Variants in LMOD1 observed in about 807,000 individuals in gnomAD.
LMOD1 encodes leiomodin 1.
Under a neutral mutation model 36.5 loss-of-function variants are expected in LMOD1, and 8 were observed. The observed-to-expected ratio is 0.22, with a 90% CI of 0.13 to 0.40. LMOD1 has a LOEUF of 0.40. LMOD1 is among the 10% of genes least tolerant of loss of function. The pLI is 1.00. For missense variants in LMOD1, 630 were observed against 751.1 expected, an observed-to-expected ratio of 0.84 and a Z score of 1.88; for synonymous variants, 284 against 288.7, an observed-to-expected ratio of 0.98 and a Z score of 0.17.
At chr1:201,913,126 G>A (rs1363662860) in intron 1 of LMOD1, among the ~76,000 whole-genome samples, 2 of 152,150 alleles carry the variant, frequency 1.3e-5, no homozygotes, top group Non-Finnish European at 1.5e-5. Context: ...GGGACCAGGC[G>A]GGGGACTGAC....
Position 201,946,223 on chromosome 1 carries a change from C to T in LMOD1, c.118G>A (p.Asp40Asn), listed in dbSNP as rs770261453. The change falls in exon 1 of 3, where the codon GAC (aspartate) becomes AAC (asparagine). Residue 40 changes from aspartate (D) to asparagine (N), a missense_variant. This residue lies in a region of LMOD1 where 405 missense variants were observed against 400.6 expected (regional missense o/e 1.01). Transcript: ENST00000367288. ...CCCACGGGAACACTCCCGTCTGGGT[C>T]CACCACGTCCAGCTCCTTCTCCAGC... ...EELEKELDVV[D>N]PDGSVPVGLR... 6.2e-7 allele frequency: 1 copy of T among 1,614,040 alleles called. No homozygotes were observed. Among genetic ancestry groups the T allele is most frequent in the South Asian group, 1.1e-5 (1 of 91,088 alleles).
chr1:201,914,828 C>T (rs996832029), intron 1 of LMOD1, among the ~76,000 whole-genome samples: 5 of 151,880 alleles, frequency 3.3e-5, no homozygotes, highest in Non-Finnish European at 7.4e-5. Flanking sequence ...TAGCCTCTCC[C>T]TCTTTCCTGG....
rs562683605 is a variant in LMOD1 at position 201,917,491 on chromosome 1, G to T, written c.262-16740C>A. Among the ~76,000 whole-genome samples, 259 of 152,166 alleles carry T rather than the reference G, an allele frequency of 1.7e-3. 2 individuals carry two copies. The highest frequency in any genetic ancestry group is 5.8e-3 in the African/African-American group (241 of 41,408). On this transcript the variant is annotated intron_variant, in intron 1 of 2. Transcript: ENST00000367288. ...AGAACCCATCACTAGGGGGATGAAGGTTCTTGTGGCAGATCTTCTCGGCCA... is the reference window on the plus strand; with the variant it reads ...AGAACCCATCACTAGGGGGATGAAGTTTCTTGTGGCAGATCTTCTCGGCCA...
In LMOD1 at chr1:201,899,664, A is replaced by T; in HGVS notation, c.1349T>A (p.Leu450Gln). 6.2e-7 allele frequency: 1 copy of T among 1,613,898 alleles called. No homozygotes were observed. The highest frequency in any genetic ancestry group is 8.5e-7 in the Non-Finnish European group (1 of 1,179,842). Residue 450 changes from leucine to glutamine, a missense_variant, in exon 2 of 3, where the codon CTG becomes CAG. By Grantham distance (113) the Leu-to-Gln change is moderately radical (BLOSUM62 -2). This residue lies in a region of LMOD1 where 81 missense variants were observed against 180.6 expected (regional missense o/e 0.45). Coordinates refer to ENST00000367288, the MANE Select transcript of LMOD1 (RefSeq NM_012134.3). The surrounding 1 kb of genome is among the most constrained non-coding windows in gnomAD (Gnocchi z 6.3). ...CCCGGCCAGCTCAAAATGGTAGCCC[A>T]GCTTGAGCAGGGTAGTATTCTCCTT... Reference protein sequence around the residue: ...LLKENTTLLKLGYHFELAGPR... With the variant: ...LLKENTTLLKQGYHFELAGPR...
intron 1 of LMOD1, 118 bp from the exon 2 acceptor site, chr1:201,900,869 T>G (rs1462539578): frequency 2.3e-6 from 2 of 883,014 alleles, no homozygotes; most frequent in Admixed American, 5.8e-5. Flanking sequence ...GAAGGACAGT[T>G]GTGCTGTTTG....
intron 1 of LMOD1, among the ~76,000 whole-genome samples, chr1:201,935,336 G>A (rs1325221736): frequency 5.0e-5 from 5 of 99,298 alleles, no homozygotes; most frequent in Admixed American, 3.1e-4. Flanking sequence ...TTTTTTTTTT[G>A]AGACAAGATC....
At chr1:201,924,186 C>A (rs1361704287) in intron 1 of LMOD1, among the ~76,000 whole-genome samples, 5 of 150,032 alleles carry the variant, frequency 3.3e-5, no homozygotes, top group Non-Finnish European at 5.9e-5. Context: ...TAGCCGGGAG[C>A]GGTGGCGGGC....
At chr1:201,945,341 C>T (rs1682185600) in intron 1 of LMOD1, among the ~76,000 whole-genome samples, 1 of 152,192 alleles carries the variant, frequency 6.6e-6, no homozygotes, top group Non-Finnish European at 1.5e-5. Context: ...CTTCAACCCC[C>T]AGCAAAGCGG....
chr1:201,940,036 C>T (rs555768165), intron 1 of LMOD1, among the ~76,000 whole-genome samples: 1 of 152,116 alleles, frequency 6.6e-6, no homozygotes, highest in South Asian at 2.1e-4. Context: ...ATGCTGGGAG[C>T]AACCTCCCCT....
Position 201,899,642 on chromosome 1 carries a change from G to T in LMOD1, c.1371C>A (p.Ala457=). Residue 457 remains alanine, a synonymous_variant, in exon 2 of 3, where the codon GCC becomes GCA. Coordinates refer to ENST00000367288, the MANE Select transcript of LMOD1 (RefSeq NM_012134.3). This position sits in a 1 kb window ranked among gnomAD's most constrained non-coding sequence, Gnocchi z 6.3. ...GATTGGTGACAGTCATTCGGGGCCC[G>T]GCCAGCTCAAAATGGTAGCCCAGCT... ...LLKLGYHFEL[A]GPRMTVTNLL... 6.2e-7 allele frequency: 1 copy of T among 1,613,260 alleles called. No individual in the cohort carries two copies. The highest frequency in any genetic ancestry group is 1.3e-5 in the African/African-American group (1 of 75,028).
intron 1 of LMOD1, among the ~76,000 whole-genome samples, chr1:201,929,370 C>A (rs1410997446): frequency 1.3e-5 from 2 of 152,076 alleles, no homozygotes; most frequent in East Asian, 1.9e-4. Context: ...GCATGAGCCA[C>A]CACGCCTGGC....
intron 1 of LMOD1, among the ~76,000 whole-genome samples, chr1:201,909,308 AG>A (rs1681455598): frequency 6.6e-6 from 1 of 152,232 alleles, no homozygotes; most frequent in African/African-American, 2.4e-5. Flanking sequence ...ATGGGGTCTC[AG>A]GTGTGAGAAT....
At chr1:201,930,291 G>T (rs1571588954) in intron 1 of LMOD1, among the ~76,000 whole-genome samples, 3 of 152,262 alleles carry the variant, frequency 2.0e-5, no homozygotes, top group Admixed American at 2.0e-4. Context: ...GAGAAGAGAG[G>T]TTGGGAGATC....
At position 201,899,512 on chromosome 1, in the gene LMOD1, C is replaced by A. The variant is rs1425016518; in HGVS notation, c.1501G>T (p.Ala501Ser). The A allele has an allele frequency of 6.2e-7, 1 of 1,613,840 alleles. No homozygotes were observed. The highest frequency in any genetic ancestry group is 8.5e-7 in the Non-Finnish European group (1 of 1,179,884). The change falls in exon 2 of 3, where the codon GCC becomes TCC. Residue 501 changes from alanine (A) to serine (S), a missense_variant. By Grantham distance (99) the Ala-to-Ser change is moderately conservative. Transcript: ENST00000367288. This position sits in a 1 kb window ranked among gnomAD's most constrained non-coding sequence, Gnocchi z 6.3. ...GGGGAGCCCTTAGCCACGGCCCCGG[C>A]CTTGGGTACCTCCAGCAGATCCTTC... Reference protein sequence around the residue: ...EKKDLLEVPKAGAVAKGSPKP... With the variant: ...EKKDLLEVPKSGAVAKGSPKP...
intron 1 of LMOD1, among the ~76,000 whole-genome samples, chr1:201,915,445 T>C (rs1681589688): frequency 6.6e-6 from 1 of 152,096 alleles, no homozygotes; most frequent in African/African-American, 2.4e-5. Flanking sequence ...TGCCCCAAAG[T>C]ACCTCAAAAA....
intron 1 of LMOD1, among the ~76,000 whole-genome samples, chr1:201,942,145 T>C (rs1316305965): frequency 6.6e-6 from 1 of 152,126 alleles, no homozygotes; most frequent in East Asian, 1.9e-4. Context: ...GGTCAATTCT[T>C]CCAAGTCCCA....
chr1:201,942,497 G>A (rs1682134360), intron 1 of LMOD1, among the ~76,000 whole-genome samples: 1 of 152,088 alleles, frequency 6.6e-6, no homozygotes, highest in Admixed American at 6.6e-5. Context: ...AGGATCTCTG[G>A]AATATCCCAT....
chr1:201,899,221 GC>G lies in LMOD1; in HGVS notation c.1776+15del. On this transcript the variant is annotated intron_variant, in intron 2 of 2. Coordinates refer to ENST00000367288, the MANE Select transcript of LMOD1 (RefSeq NM_012134.3). This position sits in a 1 kb window ranked among gnomAD's most constrained non-coding sequence, Gnocchi z 6.3. ...ACCCAGCCCCGCCCTGTTGGCTCAT[GC>G]CCACAACTACTTAACTTCTTGAGCT... The G allele has an allele frequency of 6.4e-7, 1 of 1,564,506 alleles. No individual in the cohort carries two copies. Among genetic ancestry groups the G allele is most frequent in the Non-Finnish European group, 8.7e-7 (1 of 1,152,010 alleles).
At position 201,898,109 on chromosome 1, in the gene LMOD1, T is replaced by C; in HGVS notation, c.*263A>G. The C allele has an allele frequency of 5.6e-6, 3 of 538,172 alleles. No individual in the cohort carries two copies. The highest frequency in any genetic ancestry group is 1.0e-5 in the Non-Finnish European group (3 of 299,612). 33.3% of individuals were successfully genotyped at this position (538,172 alleles called of 1,614,324 possible). On this transcript the variant is annotated 3_prime_UTR_variant, in exon 3 of 3. Coordinates refer to ENST00000367288, the MANE Select transcript of LMOD1 (RefSeq NM_012134.3). ...CTGGACAGTGCCATCTTCTCAGTGA[T>C]GTGCTAAAAGGACTCTTCTTGTCCA...
Sources: gnomAD v4.1 joint callset for allele counts (sites outside exome capture counted in the v4.1 genomes callset) on GRCh38, gnomAD v4.1.1 for gene constraint, gnomAD v4.1.1 regional missense constraint, Gnocchi (gnomAD v3.1) non-coding constraint, MANE v1.5 for transcripts, NCBI Gene and HGNC (gene_info 2026-07-23, HGNC 2026-07-21) for gene names.